TERF2: variants seen among roughly 807,000 people sequenced by gnomAD.
TERF2 encodes the protein telomeric repeat binding factor 2, also known as telomeric repeat-binding factor 2.
A neutral mutation model predicts 56.1 loss-of-function variants in TERF2; 16 were observed. The observed-to-expected ratio is 0.29, with a 90% CI of 0.19 to 0.43. The LOEUF (loss-of-function observed/expected upper bound fraction) is 0.43. Among genes scored for constraint, TERF2 ranks in the 20% least tolerant of loss-of-function variants. TERF2 has a pLI of 1.00. For missense variants in TERF2, 547 were observed against 712.9 expected (o/e 0.77, Z 2.65); for synonymous variants, 296 against 282.1 (o/e 1.05, Z -0.50).
rs756303034 is a variant in TERF2, at chr16:69,357,532, T to C, written c.1456A>G (p.Ile486Val). The C allele has an allele frequency of 1.2e-6, 2 of 1,613,230 alleles. No individual in the cohort carries two copies. Among genetic ancestry groups the C allele is most frequent in the Admixed American group, 1.7e-5 (1 of 59,806 alleles). ...AAPDEDSTTN[I>V]TKKQKWTVEE... ...TTTTAAATTACCTGCTTTTTTGTTATATTGGTTGTACTGTCTTCATCTGGT... is the reference window on the plus strand; with the variant it reads ...TTTTAAATTACCTGCTTTTTTGTTACATTGGTTGTACTGTCTTCATCTGGT... The change falls in exon 9 of 10, where the codon ATA (isoleucine) becomes GTA (valine). Residue 486 changes from isoleucine (I) to valine (V), a missense_variant. Physicochemically the swap from Ile to Val is conservative, Grantham distance 29 (BLOSUM62 3). Around this residue, in one of 6 missense-constraint regions of TERF2, gnomAD observed 211 missense variants for 236.8 expected, o/e 0.89. Transcript: ENST00000254942.
intron 9 of TERF2, 82 bp downstream of exon 9, chr16:69,357,436 G>C (rs769859915): frequency 2.5e-6 from 3 of 1,205,612 alleles, no homozygotes; most frequent in Non-Finnish European, 2.4e-6. Flanking sequence ...TACATAACCA[G>C]TCTATACCTG....
rs557902241 is a variant in TERF2, at chr16:69,383,637, TTAAA to T, written c.606+939_606+942del. Among the ~76,000 whole-genome samples, 292 of 152,330 alleles carry T rather than the reference TTAAA, an allele frequency of 1.9e-3. 4 individuals carry two copies. The highest frequency in any genetic ancestry group is 6.7e-3 in the African/African-American group (278 of 41,578). The stretch of plus-strand genomic sequence containing the variant: ...AGTAGTATCTGCCCAAGGTCCTTAA[TTAAA>T]TAAATAAAATATGTGCACCTCATGC... On this transcript the variant is annotated intron_variant, in intron 3 of 9. Transcript: ENST00000254942.
chr16:69,359,192 T>C (rs1321518984), intron 8 of TERF2, among the ~76,000 whole-genome samples: 4 of 152,332 alleles, frequency 2.6e-5, no homozygotes, highest in South Asian at 2.1e-4. Context: ...TTTATATGTA[T>C]AATTTCTGCA....
intron 3 of TERF2, among the ~76,000 whole-genome samples, chr16:69,376,623 G>A (rs192255228): frequency 1.2e-4 from 18 of 149,998 alleles, no homozygotes; most frequent in Admixed American, 1.3e-4. Context: ...AGGTGGGAGC[G>A]TCACTTGAGC....
At chr16:69,371,446 A>T (rs1203274258) in intron 4 of TERF2, among the ~76,000 whole-genome samples, 1 of 149,484 alleles carries the variant, frequency 6.7e-6, no homozygotes, top group Non-Finnish European at 1.5e-5. Context: ...AGTTGCAGTG[A>T]GCCAAGATTG....
intron 4 of TERF2, 59 bp from the exon 5 acceptor site, chr16:69,370,688 G>A (rs2013536351): frequency 1.3e-6 from 2 of 1,525,150 alleles, no homozygotes; most frequent in African/African-American, 2.8e-5. Flanking sequence ...AAAATTCAAT[G>A]ATGATGAGGT....
At chr16:69,370,690 T>C in intron 4 of TERF2, 61 bp from the exon 5 acceptor site, 2 of 1,519,280 alleles carry the variant, frequency 1.3e-6, no homozygotes, top group African/African-American at 1.4e-5. Flanking sequence ...AATTCAATGA[T>C]GATGAGGTGA....
In TERF2 at chr16:69,372,249, C is replaced by A; in HGVS notation, c.693+20G>T. The A allele has an allele frequency of 6.4e-7, 1 of 1,573,020 alleles. No homozygotes were observed. Among genetic ancestry groups the A allele is most frequent in the African/African-American group, 1.4e-5 (1 of 73,178 alleles). On this transcript the variant is annotated intron_variant, in intron 4 of 9. Coordinates refer to ENST00000254942, the MANE Select transcript of TERF2 (RefSeq NM_005652.5). ...ATGAGATGAATTTAAGTCACAGGAGCAAAAATGTATCAAATTTACCTGAGT... is the reference window on the plus strand; with the variant it reads ...ATGAGATGAATTTAAGTCACAGGAGAAAAAATGTATCAAATTTACCTGAGT...
At position 69,366,793 on chromosome 16, in the gene TERF2, G is replaced by A. The variant is rs2013362513; in HGVS notation, c.1340+14C>T. 1 of 1,586,088 alleles carries A rather than the reference G, an allele frequency of 6.3e-7. No individual in the cohort carries two copies. The highest frequency in any genetic ancestry group is 1.1e-5 in the South Asian group (1 of 89,180). On this transcript the variant is annotated intron_variant, in intron 7 of 9. Coordinates refer to ENST00000254942, the MANE Select transcript of TERF2 (RefSeq NM_005652.5). ...CAACCAGCCCCAAAATTTCTACAAA[G>A]AAGGTCTTCATACTTGGGATTCTTC...
intron 9 of TERF2, 55 bp downstream of exon 9, chr16:69,357,463 T>TTTTAC (rs539678816): frequency 6.6e-7 from 1 of 1,516,174 alleles, no homozygotes; most frequent in South Asian, 1.1e-5. Flanking sequence ...AGGGCGCGTA[T>TTTTAC]TTTACCTCTG....
rs1300070951 is a variant in TERF2 at position 69,355,706 on chromosome 16, C to G, written c.*1192G>C. 1 of 152,882 alleles carries G rather than the reference C, an allele frequency of 6.5e-6. No homozygotes were observed. The highest frequency in any genetic ancestry group is 1.5e-5 in the Non-Finnish European group (1 of 68,272). The allele number at this position is 152,882 out of a possible 1,614,324, so 9.5% of individuals were successfully genotyped here. On this transcript the variant is annotated 3_prime_UTR_variant, in exon 10 of 10. Transcript: ENST00000254942. Reference sequence around the variant, plus strand: ...AGTCTTTAAGGGTGTCCGGGAGAGACAGCAAGCACAACACAGTACAAAAGG... The same window carrying G: ...AGTCTTTAAGGGTGTCCGGGAGAGAGAGCAAGCACAACACAGTACAAAAGG...
rs1228833261 is a variant in TERF2 at position 69,385,860 on chromosome 16, G to C, written c.112C>G (p.Arg38Gly). ...CCTCCCGCCATCGTGTCCGATCGCC[G>C]CGCGCCCTCCCCGCCCTCCCGGCCG... The part of the protein sequence containing the change: ...RPGREGGEGA[R>G]RSDTMAGGGG... Residue 38 changes from arginine to glycine, a missense_variant, in exon 1 of 10, where the codon CGG becomes GGG. By Grantham distance (125) the Arg-to-Gly change is moderately radical. Coordinates refer to ENST00000254942, the MANE Select transcript of TERF2 (RefSeq NM_005652.5). The C allele has an allele frequency of 7.3e-7, 1 of 1,368,624 alleles. No individual in the cohort carries two copies. Among genetic ancestry groups the C allele is most frequent in the South Asian group, 1.7e-5 (1 of 59,346 alleles). The allele number at this position is 1,368,624 out of a possible 1,614,324, so 84.8% of individuals were successfully genotyped here.
intron 7 of TERF2, 146 bp downstream of exon 7, chr16:69,366,661 G>A (rs2142726616): frequency 9.1e-7 from 1 of 1,099,094 alleles, no homozygotes; most frequent in Non-Finnish European, 1.3e-6. Flanking sequence ...GTCGTCACTG[G>A]CCACTCCTGC....
At chr16:69,379,341 TG>T (rs2013910698) in intron 3 of TERF2, among the ~76,000 whole-genome samples, 2 of 152,182 alleles carry the variant, frequency 1.3e-5, no homozygotes, top group Non-Finnish European at 2.9e-5. Context: ...GCACCCCAAA[TG>T]GGGTAAGGCC....
At chr16:69,376,436 A>T (rs182787727) in intron 3 of TERF2, among the ~76,000 whole-genome samples, 1 of 152,220 alleles carries the variant, frequency 6.6e-6, no homozygotes, top group Admixed American at 6.5e-5. Flanking sequence ...CTTTCTCATA[A>T]TTCTTAAAAT....
At chr16:69,360,895 C>T (rs1459154692) in intron 8 of TERF2, among the ~76,000 whole-genome samples, 4 of 151,960 alleles carry the variant, frequency 2.6e-5, no homozygotes. Context: ...AAACATAAGG[C>T]GTTACTCTGA....
At chr16:69,382,472 C>T (rs1168022594) in intron 3 of TERF2, among the ~76,000 whole-genome samples, 2 of 152,190 alleles carry the variant, frequency 1.3e-5, no homozygotes, top group East Asian at 1.9e-4. Context: ...GCCCCCAATG[C>T]GCCTCACCTC....
intron 3 of TERF2, 21 bp from the exon 4 acceptor site, chr16:69,372,376 CT>C (rs539046077): frequency 4.0e-6 from 6 of 1,516,150 alleles, no homozygotes; most frequent in African/African-American, 1.4e-5. Context: ...GGGGAAAAAT[CT>C]TTTTTTACTT....
intron 9 of TERF2, among the ~76,000 whole-genome samples, 179 bp downstream of exon 9, chr16:69,357,339 T>C (rs1394717531): frequency 6.6e-6 from 1 of 152,190 alleles, no homozygotes. Flanking sequence ...GTGTCATCTG[T>C]TTTCCTAGTC....
Sources: gnomAD v4.1 joint callset for allele counts (sites outside exome capture counted in the v4.1 genomes callset) on GRCh38, gnomAD v4.1.1 for gene constraint, gnomAD v4.1.1 regional missense constraint, MANE v1.5 for transcripts, NCBI Gene and HGNC (gene_info 2026-07-23, HGNC 2026-07-21) for gene names.